The following GOT2 variants were observed in gnomAD, a reference collection of about 807,000 sequenced individuals.
The protein encoded by GOT2 is glutamic-oxaloacetic transaminase 2.
A neutral mutation model predicts 50.0 loss-of-function variants in GOT2; 17 were observed. The ratio of observed to expected loss-of-function variants is 0.34; its 90% CI spans 0.23 to 0.51. The LOEUF (loss-of-function observed/expected upper bound fraction) is 0.51. Ranked by LOEUF, GOT2 falls within the 20% of genes least tolerant of loss-of-function variation. The pLI is 0.97. For missense variants in GOT2, 430 were observed against 559.6 expected (o/e 0.77, Z 2.34); for synonymous variants, 172 against 204.9 (o/e 0.84, Z 1.37).
chr16:58,731,195 G>C (rs1263066555), intron 1 of GOT2, among the ~76,000 whole-genome samples: 1 of 152,028 alleles, frequency 6.6e-6, no homozygotes, highest in African/African-American at 2.4e-5. Flanking sequence ...GTGCAGCGGC[G>C]TGATCAGCGG....
chr16:58,723,720 C>T, intron 2 of GOT2, 26 bp downstream of exon 2: 1 of 1,589,832 alleles, frequency 6.3e-7, no homozygotes, highest in Non-Finnish European at 8.6e-7. Flanking sequence ...TCATCCCATT[C>T]AAAAGGAGAT....
rs193124181 is a variant in GOT2, at chr16:58,710,984, A to G, written c.1020-1417T>C. On this transcript the variant is annotated intron_variant, in intron 8 of 9. Coordinates refer to ENST00000245206, the MANE Select transcript of GOT2 (RefSeq NM_002080.4). Reference sequence around the variant, plus strand: ...CTCTGTCTCAAAAAAAAAAAAAAAAAAAAAGAAAAGTGAATGAATCACTCT... The same window carrying G: ...CTCTGTCTCAAAAAAAAAAAAAAAAGAAAAGAAAAGTGAATGAATCACTCT... Among the ~76,000 whole-genome samples, 60 of 151,622 alleles carry G rather than the reference A, an allele frequency of 4.0e-4. 1 individual carries two copies. The East Asian group carries it at 8.9e-3, about 23-fold the overall frequency.
In GOT2 at chr16:58,707,903, T is replaced by C; in HGVS notation, c.*268A>G. The C allele has an allele frequency of 3.5e-6, 1 of 284,362 alleles. No homozygotes were observed. 17.6% of individuals were successfully genotyped at this position (284,362 alleles called of 1,614,324 possible). A position where few individuals can be genotyped will look rare whatever the true frequency, so the allele number is the denominator to read the frequency against. On this transcript the variant is annotated 3_prime_UTR_variant, in exon 10 of 10. Coordinates refer to ENST00000245206, the MANE Select transcript of GOT2 (RefSeq NM_002080.4). ...CAGGTTTTTTGGTGCGATGACTTTC[T>C]TGCACATGTAAACTCTTTGAGAAAA... is the stretch of plus-strand genomic sequence containing the variant.
At chr16:58,726,036 T>C (rs1567490243) in intron 1 of GOT2, among the ~76,000 whole-genome samples, 1 of 152,212 alleles carries the variant, frequency 6.6e-6, no homozygotes, top group Non-Finnish European at 1.5e-5. Flanking sequence ...GTTATACTTT[T>C]TGATTCATTT....
At chr16:58,726,743 C>T (rs257638) in intron 1 of GOT2, among the ~76,000 whole-genome samples, 104,845 of 151,252 alleles carry the variant, frequency 0.69, 36,895 homozygotes, top group Middle Eastern at 0.86. Context: ...CCACCTTGGC[C>T]TCCCAAAATG....
In GOT2 at chr16:58,709,473, G is replaced by A; in HGVS notation, c.1114C>T (p.Gln372Ter). 6.2e-7 allele frequency: 1 copy of A among 1,613,980 alleles called. No individual in the cohort carries two copies. Among genetic ancestry groups the A allele is most frequent in the Non-Finnish European group, 8.5e-7 (1 of 1,179,830 alleles). ...ATGCCAATTTGGTCGGTGATGTGTTGCCAATTGTGGGTGGAACCCTCCTTC... is the reference window on the plus strand; with the variant it reads ...ATGCCAATTTGGTCGGTGATGTGTTACCAATTGTGGGTGGAACCCTCCTTC... The part of the protein sequence containing the change: ...LKKEGSTHNW[Q>*]HITDQIGMFC... The change falls in exon 9 of 10, where the codon CAA (glutamine) becomes TAA (stop). Residue 372 changes from glutamine (Q) to a stop codon, truncating the protein, a stop_gained. Coordinates refer to ENST00000245206, the MANE Select transcript of GOT2 (RefSeq NM_002080.4). LOFTEE classifies it high-confidence loss of function.
chr16:58,717,879 G>A (rs770167780), intron 6 of GOT2, among the ~76,000 whole-genome samples: 3 of 152,074 alleles, frequency 2.0e-5, no homozygotes, highest in Admixed American at 1.3e-4. Flanking sequence ...TAGTAGAGAC[G>A]GGGTTTCACC....
At chr16:58,730,616 T>C (rs2044827524) in intron 1 of GOT2, among the ~76,000 whole-genome samples, 1 of 152,012 alleles carries the variant, frequency 6.6e-6, no homozygotes, top group Admixed American at 6.6e-5. Flanking sequence ...CCTCCTACCT[T>C]AGCATCCCAA....
chr16:58,732,324 AT>A (rs775313668), intron 1 of GOT2, among the ~76,000 whole-genome samples: 1 of 151,852 alleles, frequency 6.6e-6, no homozygotes, highest in African/African-American at 2.4e-5. Flanking sequence ...AAAAAAGGGA[AT>A]TTTTTTTGGT....
At chr16:58,727,928 G>T (rs551890699) in intron 1 of GOT2, among the ~76,000 whole-genome samples, 2 of 152,226 alleles carry the variant, frequency 1.3e-5, no homozygotes, top group South Asian at 4.1e-4. Flanking sequence ...GAAGTTCTCC[G>T]TGTTCACCAT....
chr16:58,723,668 C>T, intron 2 of GOT2, 78 bp downstream of exon 2: 3 of 1,197,794 alleles, frequency 2.5e-6, no homozygotes, highest in East Asian at 4.8e-5. Flanking sequence ...ATTCCCGGTC[C>T]AGCACTATTC....
Position 58,708,008 on chromosome 16 carries a change from C to A in GOT2, c.*163G>T. 6.3e-6 allele frequency: 4 copies of A among 639,146 alleles called. No homozygotes were observed. In the South Asian group the frequency reaches 9.3e-5, roughly 15 times the overall value. The allele number at this position is 639,146 out of a possible 1,614,324, so 39.6% of individuals were successfully genotyped here. A position where few individuals can be genotyped will look rare whatever the true frequency, so the allele number is the denominator to read the frequency against. Reference sequence around the variant, plus strand: ...TGGATGCCTCTGCCCTGTGTCACTACATGTTCTTTTCTGAGAAACATTCAA... The same window carrying A: ...TGGATGCCTCTGCCCTGTGTCACTAAATGTTCTTTTCTGAGAAACATTCAA... On this transcript the variant is annotated 3_prime_UTR_variant, in exon 10 of 10. Transcript: ENST00000245206.
chr16:58,712,552 C>T (rs2044657948), intron 8 of GOT2, among the ~76,000 whole-genome samples: 1 of 147,520 alleles, frequency 6.8e-6, no homozygotes, highest in African/African-American at 2.5e-5. Flanking sequence ...ACAACAAGAA[C>T]AAGAAAGTCA....
intron 3 of GOT2, among the ~76,000 whole-genome samples, chr16:58,720,219 T>C (rs1457367723): frequency 1.3e-5 from 2 of 152,078 alleles, no homozygotes; most frequent in Non-Finnish European, 2.9e-5. Flanking sequence ...AATAAATAAA[T>C]AAAGGTTTTC....
intron 8 of GOT2, 93 bp downstream of exon 8, chr16:58,715,921 G>T: frequency 1.0e-6 from 1 of 952,974 alleles, no homozygotes; most frequent in South Asian, 1.7e-5. Flanking sequence ...AATCTATGGG[G>T]TACTGTATAT....
chr16:58,716,513 A>G, intron 7 of GOT2, 150 bp downstream of exon 7: 1 of 690,434 alleles, frequency 1.4e-6, no homozygotes, highest in Non-Finnish European at 2.4e-6. Context: ...AAAATCTACG[A>G]TACTGGTCTT....
At chr16:58,731,331 G>T (rs59515227) in intron 1 of GOT2, among the ~76,000 whole-genome samples, 6,296 of 152,130 alleles carry the variant, frequency 0.041, 388 homozygotes, top group East Asian at 0.29. Context: ...TTTATGTAGA[G>T]ACGGGGTCTT....
rs1473050414 is a variant in GOT2, at chr16:58,716,721, G to C, written c.795C>G (p.Ile265Met). ...AGAGGCAAACATTAATGCCCTGTTC[G>C]ATGAAGTGGCGCACAGCCCAGGCAT... ...DKDAWAVRHF[I>M]EQGINVCLCQ... The change falls in exon 7 of 10, where the codon ATC becomes ATG. Residue 265 changes from isoleucine to methionine, a missense_variant. Physicochemically the swap from Ile to Met is conservative, Grantham distance 10. Transcript: ENST00000245206. 1.2e-6 allele frequency: 2 copies of C among 1,613,782 alleles called. No individual in the cohort carries two copies. Among genetic ancestry groups the C allele is most frequent in the Non-Finnish European group, 1.7e-6 (2 of 1,179,798 alleles).
chr16:58,713,300 T>G (rs190627471), intron 8 of GOT2, among the ~76,000 whole-genome samples: 1 of 152,120 alleles, frequency 6.6e-6, no homozygotes, highest in Non-Finnish European at 1.5e-5. Flanking sequence ...ACTTAAAAAG[T>G]ACTCAAATTT....
Sources: gnomAD v4.1 joint callset for allele counts (sites outside exome capture counted in the v4.1 genomes callset) on GRCh38, gnomAD v4.1.1 for gene constraint, MANE v1.5 for transcripts, NCBI Gene and HGNC (gene_info 2026-07-23, HGNC 2026-07-21) for gene names.